The following ARHGAP8 variants were observed in gnomAD, a reference collection of about 807,000 sequenced individuals.
ARHGAP8 encodes the protein rho GTPase-activating protein 8.
ARHGAP8 carries 62 observed loss-of-function variants against 46.1 expected under a neutral mutation model. The observed-to-expected ratio is 1.34, with a 90% CI of 1.10 to 1.66. The LOEUF is 1.66. Among genes scored for constraint, ARHGAP8 ranks in the 40% most tolerant of loss-of-function variants. The pLI, the probability that ARHGAP8 is intolerant of heterozygous loss-of-function variation, is 0.00. For missense variants in ARHGAP8, 923 were observed against 568.4 expected (o/e 1.62, Z -6.34); for synonymous variants, 375 against 243.1 (o/e 1.54, Z -5.05).
At chr22:44,800,621 TG>T (rs1290699762) in intron 2 of ARHGAP8, among the ~76,000 whole-genome samples, 14 of 57,354 alleles carry the variant, frequency 2.4e-4, no homozygotes, top group African/African-American at 1.2e-3. Context: ...TGTCCATGTG[TG>T]GGGGGCGCCC....
At chr22:44,830,149 G>A (rs146475424) in intron 7 of ARHGAP8, among the ~76,000 whole-genome samples, 1,869 of 150,842 alleles carry the variant, frequency 0.012, 42 homozygotes, top group African/African-American at 0.044. Flanking sequence ...TCAGCCTCCC[G>A]AGTAGCTGGG....
chr22:44,838,343 G>A (rs945146388), intron 7 of ARHGAP8, among the ~76,000 whole-genome samples: 5 of 152,234 alleles, frequency 3.3e-5, no homozygotes, highest in Admixed American at 6.5e-5. Context: ...TCACCATGTT[G>A]GTCAGGCTGG....
intron 4 of ARHGAP8, among the ~76,000 whole-genome samples, chr22:44,813,399 CACAT>C (rs1469400780): frequency 7.4e-6 from 1 of 134,758 alleles, no homozygotes; most frequent in African/African-American, 3.0e-5. Flanking sequence ...TACATACACC[CACAT>C]ACAGACACCT....
chr22:44,856,322 A>T (rs999344019), intron 10 of ARHGAP8, among the ~76,000 whole-genome samples: 1 of 122,764 alleles, frequency 8.1e-6, no homozygotes, highest in African/African-American at 3.2e-5. Flanking sequence ...CCCAGGCCAG[A>T]GTGCAGTGGC....
At chr22:44,763,466 C>T (rs112087959) in intron 1 of ARHGAP8, among the ~76,000 whole-genome samples, 35,999 of 130,352 alleles carry the variant, frequency 0.28, 5,062 homozygotes, top group Non-Finnish European at 0.32. Context: ...CATTCCAGCC[C>T]GGGTGACAAA....
intron 1 of ARHGAP8, among the ~76,000 whole-genome samples, chr22:44,771,037 A>C (rs559445822): frequency 6.6e-6 from 1 of 152,288 alleles, no homozygotes; most frequent in East Asian, 1.9e-4. Flanking sequence ...TCACTGTTAT[A>C]AATTTGGCAA....
chr22:44,782,360 GA>G (rs903456290), intron 1 of ARHGAP8, among the ~76,000 whole-genome samples: 7 of 152,106 alleles, frequency 4.6e-5, no homozygotes, highest in Non-Finnish European at 7.4e-5. Flanking sequence ...TAAATGAAAA[GA>G]ATAAATTAAT....
chr22:44,757,439 G>C (rs1437269365), intron 1 of ARHGAP8, among the ~76,000 whole-genome samples: 5 of 152,008 alleles, frequency 3.3e-5, no homozygotes, highest in Admixed American at 3.3e-4. Flanking sequence ...CACCACACCT[G>C]GCTAATTTTG....
chr22:44,843,554 C>T (rs554535966), intron 7 of ARHGAP8, among the ~76,000 whole-genome samples: 22 of 152,286 alleles, frequency 1.4e-4, no homozygotes, highest in African/African-American at 4.3e-4. Flanking sequence ...ACAGGCCTGG[C>T]CCAGTGGCTC....
chr22:44,783,129 A>C (rs1926968164), intron 1 of ARHGAP8, among the ~76,000 whole-genome samples: 1 of 123,404 alleles, frequency 8.1e-6, no homozygotes, highest in Non-Finnish European at 1.6e-5. Context: ...CTCAGGGCCC[A>C]GGAGGTTTCA....
chr22:44,854,044 A>T lies in ARHGAP8; in HGVS notation c.877+4984A>T, dbSNP rs1013147318. 3.4e-5 allele frequency among the ~76,000 whole-genome samples: 5 copies of T among 146,372 alleles called. No individual in the cohort carries two copies. The South Asian group carries it at 1.1e-3, about 32-fold the overall frequency. ...TGTCTCAAAAAAAAAAAAAAAAAAA[A>T]AAAAAAAAAAAAAAAAAACCATCAG... On this transcript the variant is annotated intron_variant, in intron 10 of 11. Transcript: ENST00000356099.
At position 44,825,489 on chromosome 22, in the gene ARHGAP8, T is replaced by A. The variant is rs753817080; in HGVS notation, c.492T>A (p.Asp164Glu). Residue 164 changes from aspartate (D) to glutamate (E), a missense_variant, in exon 7 of 12, where the codon GAT (aspartate) becomes GAA (glutamate). Asp to Glu is a conservative substitution (Grantham distance 45, BLOSUM62 2). Transcript: ENST00000356099. ...GCCTCTGTTGTGTCTACAGGTACGA[T>A]GAGAAGCTCCAGAGCCTGCACGAGG... The part of the protein sequence containing the change: ...LVIPPEVLRY[D>E]EKLQSLHEGR... 47 of 1,612,700 alleles carry A rather than the reference T, an allele frequency of 2.9e-5. No individual in the cohort carries two copies. In the South Asian group the frequency reaches 3.1e-4, roughly 11 times the overall value.
chr22:44,823,174 C>T (rs1602227250), intron 6 of ARHGAP8, among the ~76,000 whole-genome samples: 1 of 152,102 alleles, frequency 6.6e-6, no homozygotes, highest in Non-Finnish European at 1.5e-5. Flanking sequence ...ATGGCAGGTG[C>T]TGGGATATAG....
At chr22:44,830,947 T>C (rs775305350) in intron 7 of ARHGAP8, among the ~76,000 whole-genome samples, 3 of 152,274 alleles carry the variant, frequency 2.0e-5, no homozygotes, top group Non-Finnish European at 4.4e-5. Flanking sequence ...TTTTCATGTA[T>C]TATCGGCCAT....
chr22:44,858,165 T>G lies in ARHGAP8; in HGVS notation c.878-1566T>G, dbSNP rs116733378. On this transcript the variant is annotated intron_variant, in intron 10 of 11. Coordinates refer to ENST00000356099, the MANE Select transcript of ARHGAP8 (RefSeq NM_181335.3). ...ACAGGAATGATCATAGTGGGGAGTC[T>G]TGTGTCCTGGCAGTGGGTGTTTGTA... Among the ~76,000 whole-genome samples the G allele has an allele frequency of 5.8e-3, 876 of 152,308 alleles. 13 individuals carry two copies. Among genetic ancestry groups the G allele is most frequent in the East Asian group, 0.039 (202 of 5,184 alleles).
intron 7 of ARHGAP8, among the ~76,000 whole-genome samples, chr22:44,841,357 G>A (rs136673): frequency 0.76 from 115,365 of 151,910 alleles, 43,977 homozygotes; most frequent in East Asian, 0.92. Context: ...ATTCTCACCC[G>A]CCTGCCCACC....
chr22:44,808,244 G>A, intron 3 of ARHGAP8, 63 bp from the exon 4 acceptor site: 2 of 1,571,166 alleles, frequency 1.3e-6, no homozygotes, highest in Non-Finnish European at 1.7e-6. Flanking sequence ...TATAGGGAAA[G>A]CACGTTTGGT....
intron 11 of ARHGAP8, among the ~76,000 whole-genome samples, chr22:44,860,616 G>C (rs1344561668): frequency 1.5e-5 from 2 of 129,480 alleles, no homozygotes; most frequent in Non-Finnish European, 3.2e-5. Context: ...GTCTATCTTA[G>C]AGGGGCCACC....
At chr22:44,792,968 T>C (rs1196682418) in intron 2 of ARHGAP8, among the ~76,000 whole-genome samples, 1 of 151,886 alleles carries the variant, frequency 6.6e-6, no homozygotes, top group Admixed American at 6.6e-5. Context: ...GGATTATAGG[T>C]GCCTGCCACC....
Sources: gnomAD v4.1 joint callset for allele counts (sites outside exome capture counted in the v4.1 genomes callset) on GRCh38, gnomAD v4.1.1 for gene constraint, MANE v1.5 for transcripts, NCBI Gene and HGNC (gene_info 2026-07-23, HGNC 2026-07-21) for gene names.